TXNRD3: variants seen among roughly 807,000 people sequenced by gnomAD.
TXNRD3 encodes thioredoxin reductase 3.
A neutral mutation model predicts 78.2 loss-of-function variants in TXNRD3; 68 were observed. The observed-to-expected ratio is 0.87, with a 90% CI of 0.72 to 1.06. The LOEUF (loss-of-function observed/expected upper bound fraction) is 1.06, where lower values mean the gene tolerates loss of function less well. TXNRD3 is among the 50% of genes least tolerant of loss of function. TXNRD3 has a pLI of 0.00. For missense variants in TXNRD3, 751 were observed against 809.5 expected, an observed-to-expected ratio of 0.93 and a Z score of 0.88; for synonymous variants, 296 against 300.1, an observed-to-expected ratio of 0.99 and a Z score of 0.14.
At position 126,621,804 on chromosome 3, in the gene TXNRD3, G is replaced by C. The variant is rs1413401111; in HGVS notation, c.1462C>G (p.Pro488Ala). 1 of 1,535,554 alleles carries C rather than the reference G, an allele frequency of 6.5e-7. No homozygotes were observed. The highest frequency in any genetic ancestry group is 1.4e-5 in the African/African-American group (1 of 72,976). Residue 488 changes from proline to alanine, a missense_variant, in exon 12 of 16, where the codon CCT becomes GCT. By Grantham distance (27) the Pro-to-Ala change is conservative. Transcript: ENST00000524230. ...AGCTTGCCTGACTGTATGGCGACAGGAGTGAGCTCTGGCTTATCCTCCAAA... is the reference window on the plus strand; with the variant it reads ...AGCTTGCCTGACTGTATGGCGACAGCAGTGAGCTCTGGCTTATCCTCCAAA...
chr3:126,608,831 A>G (rs961582630), intron 14 of TXNRD3, among the ~76,000 whole-genome samples, 198 bp from the exon 15 acceptor site: 3 of 152,238 alleles, frequency 2.0e-5, no homozygotes, highest in South Asian at 4.1e-4. Flanking sequence ...ATGCACATCC[A>G]GAGTTAATTT....
At chr3:126,653,112 C>T (rs1028675945) in intron 1 of TXNRD3, among the ~76,000 whole-genome samples, 1 of 152,176 alleles carries the variant, frequency 6.6e-6, no homozygotes, top group African/African-American at 2.4e-5. Context: ...ACGTTTATTT[C>T]AATGTTTAAT....
At chr3:126,645,901 C>T (rs1027754032) in intron 3 of TXNRD3, among the ~76,000 whole-genome samples, 1 of 152,168 alleles carries the variant, frequency 6.6e-6, no homozygotes, top group Non-Finnish European at 1.5e-5. Context: ...TCCTGGTGCC[C>T]TCACACAAAA....
In TXNRD3 at chr3:126,628,100, G is replaced by GA. The variant is rs1249175692; in HGVS notation, c.1290+1278dup. Among the ~76,000 whole-genome samples, 51 of 151,914 alleles carry GA rather than the reference G, an allele frequency of 3.4e-4. 1 individual carries two copies. Among genetic ancestry groups the GA allele is most frequent in the Admixed American group, 3.9e-4 (6 of 15,268 alleles). Reference sequence around the variant, plus strand: ...AAATTCATCATCCACAGCTGCAAACGAAACACTGTTATAATTGAACATACA... The same window carrying GA: ...AAATTCATCATCCACAGCTGCAAACGAAAACACTGTTATAATTGAACATACA... On this transcript the variant is annotated intron_variant, in intron 10 of 15. Transcript: ENST00000524230.
rs58334242 is a variant in TXNRD3 at position 126,647,555 on chromosome 3, G to A, written c.244-259C>T. Among the ~76,000 whole-genome samples, 1,139 of 152,006 alleles carry A rather than the reference G, an allele frequency of 7.5e-3. 14 individuals are homozygous for A. The highest frequency in any genetic ancestry group is 0.026 in the African/African-American group (1,074 of 41,416). On this transcript the variant is annotated intron_variant, in intron 1 of 15. Coordinates refer to ENST00000524230, the MANE Select transcript of TXNRD3 (RefSeq NM_052883.3). Reference sequence around the variant, plus strand: ...CAACTTTGGCCCAAATCTCTTTTCTGAACTCAAATAGGCAGTATCTATTTT... The same window carrying A: ...CAACTTTGGCCCAAATCTCTTTTCTAAACTCAAATAGGCAGTATCTATTTT...
Position 126,647,077 on chromosome 3 carries a change from G to A in TXNRD3, c.304+159C>T, listed in dbSNP as rs6783083. 2.6e-3 allele frequency among the ~76,000 whole-genome samples: 392 copies of A among 152,228 alleles called. 2 individuals are homozygous for A. Among genetic ancestry groups the A allele is most frequent in the African/African-American group, 9.1e-3 (379 of 41,532 alleles). The stretch of plus-strand genomic sequence containing the variant: ...ATAAAAAAACTACACCAATTTATCT[G>A]CCACATTAGGGTTCATTTTCTGCAT... On this transcript the variant is annotated intron_variant, in intron 2 of 15. Transcript: ENST00000524230.
chr3:126,645,185 G>A (rs1207999266), intron 3 of TXNRD3, among the ~76,000 whole-genome samples: 1 of 152,156 alleles, frequency 6.6e-6, no homozygotes, highest in East Asian at 1.9e-4. Flanking sequence ...AGGTTTTAGG[G>A]ACATTCTAAA....
At chr3:126,647,994 A>C (rs1933280859) in intron 1 of TXNRD3, among the ~76,000 whole-genome samples, 1 of 152,234 alleles carries the variant, frequency 6.6e-6, no homozygotes, top group Non-Finnish European at 1.5e-5. Context: ...CACACATACC[A>C]AAACTGTTGA....
chr3:126,640,721 C>T (rs1034029304), intron 6 of TXNRD3, among the ~76,000 whole-genome samples: 6 of 152,184 alleles, frequency 3.9e-5, no homozygotes, highest in Admixed American at 3.3e-4. Flanking sequence ...TTTATGCCTT[C>T]AACTACCCTT....
At chr3:126,648,606 T>G (rs1295764683) in intron 1 of TXNRD3, among the ~76,000 whole-genome samples, 1 of 152,132 alleles carries the variant, frequency 6.6e-6, no homozygotes, top group East Asian at 1.9e-4. Flanking sequence ...AGGAGAGTCT[T>G]TTCAACAAAT....
intron 10 of TXNRD3, among the ~76,000 whole-genome samples, chr3:126,628,407 T>C (rs1938629700): frequency 6.6e-6 from 1 of 151,958 alleles, no homozygotes; most frequent in Non-Finnish European, 1.5e-5. Context: ...TATTCACAAA[T>C]AAATAAATGT....
At chr3:126,636,882 C>T (rs1386306444) in intron 6 of TXNRD3, among the ~76,000 whole-genome samples, 1 of 151,930 alleles carries the variant, frequency 6.6e-6, no homozygotes, top group Admixed American at 6.6e-5. Context: ...TGTGGACCAA[C>T]ACAAATTTGT....
At chr3:126,641,449 C>A (rs950113555) in intron 6 of TXNRD3, among the ~76,000 whole-genome samples, 1 of 152,142 alleles carries the variant, frequency 6.6e-6, no homozygotes, top group Non-Finnish European at 1.5e-5. Context: ...GTCACCTTGT[C>A]TGAAGAGCTT....
chr3:126,627,096 T>C (rs1938596388), intron 10 of TXNRD3, among the ~76,000 whole-genome samples: 2 of 151,968 alleles, frequency 1.3e-5, no homozygotes. Context: ...TCTCTATATA[T>C]CTCTCCATAA....
In TXNRD3 at chr3:126,637,932, C is replaced by CTTTTTTTTTT. The variant is rs71615916; in HGVS notation, c.713-3891_713-3882dup. 4.0e-4 allele frequency among the ~76,000 whole-genome samples: 24 copies of CTTTTTTTTTT among 60,236 alleles called. 1 individual carries two copies. Among genetic ancestry groups the CTTTTTTTTTT allele is most frequent in the Admixed American group, 1.0e-3 (4 of 3,826 alleles). 39.5% of individuals were successfully genotyped at this position (60,236 alleles called of 152,430 possible). On this transcript the variant is annotated intron_variant, in intron 6 of 15. Transcript: ENST00000524230. ...CTTATTTTAACCTATATTTCTCTCT[C>CTTTTTTTTTT]TTTTTTTTTTTTTTTTTTTTTTTTT...
chr3:126,646,229 G>A lies in TXNRD3; in HGVS notation c.305-9C>T. ...AACCCTGGCCCCATCATCTAAAGAA[G>A]AAAAAAACTATATATAAAAACACTG... On this transcript the variant is annotated splice_polypyrimidine_tract_variant and intron_variant, in intron 2 of 15. Transcript: ENST00000524230. 1 of 1,499,128 alleles carries A rather than the reference G, an allele frequency of 6.7e-7. No homozygotes were observed. 92.9% of individuals were successfully genotyped at this position (1,499,128 alleles called of 1,614,324 possible). A position where few individuals can be genotyped will look rare whatever the true frequency, so the allele number is the denominator to read the frequency against.
chr3:126,645,366 C>CT (rs1322083015), intron 3 of TXNRD3, among the ~76,000 whole-genome samples: 1 of 152,206 alleles, frequency 6.6e-6, no homozygotes, highest in Admixed American at 6.5e-5. Context: ...AAGACAAGCA[C>CT]TTCAGAAGGT....
intron 14 of TXNRD3, 36 bp downstream of exon 14, chr3:126,611,001 A>C: frequency 8.1e-7 from 1 of 1,239,398 alleles, no homozygotes; most frequent in Non-Finnish European, 1.1e-6. Flanking sequence ...TACATTTAAA[A>C]ATCACAGCAT....
In TXNRD3 at chr3:126,640,228, C is replaced by CA. The variant is rs1166165311; in HGVS notation, c.712+1803_712+1804insT. ...CACGCCATTCTCCTGCCTCAGCCTC[C>CA]CGAGTAGCTGGGACTACAGGCGCCC... On this transcript the variant is annotated intron_variant, in intron 6 of 15. Coordinates refer to ENST00000524230, the MANE Select transcript of TXNRD3 (RefSeq NM_052883.3). Among the ~76,000 whole-genome samples, 2 of 33,618 alleles carry CA rather than the reference C, an allele frequency of 5.9e-5. 1 individual carries two copies. The highest frequency in any genetic ancestry group is 1.2e-4 in the African/African-American group (2 of 16,582). 22.1% of individuals were successfully genotyped at this position (33,618 alleles called of 152,430 possible).
Sources: allele counts gnomAD v4.1 joint callset (sites outside exome capture counted in the v4.1 genomes callset), GRCh38; gene constraint gnomAD v4.1.1; transcripts MANE v1.5; gene names NCBI Gene and HGNC (gene_info 2026-07-23, HGNC 2026-07-21).